The following RHBDD1 variants were observed in gnomAD, a reference collection of about 807,000 sequenced individuals.
The protein encoded by RHBDD1 is rhomboid-related protein 4.
RHBDD1 carries 38 observed loss-of-function variants against 36.3 expected under a neutral mutation model. That is an observed-to-expected ratio of 1.05 (90% CI 0.81 to 1.37). The LOEUF (loss-of-function observed/expected upper bound fraction) is 1.37, where lower values mean the gene tolerates loss of function less well. RHBDD1 is among the 40% of genes most tolerant of loss of function. The pLI, the probability that RHBDD1 is intolerant of heterozygous loss-of-function variation, is 0.00. For missense variants in RHBDD1, 393 were observed against 377.6 expected (o/e 1.04, Z -0.34); for synonymous variants, 151 against 136.5 (o/e 1.11, Z -0.74).
intron 3 of RHBDD1, among the ~76,000 whole-genome samples, chr2:226,862,048 A>C (rs1271210687): frequency 1.3e-5 from 2 of 152,218 alleles, no homozygotes; most frequent in African/African-American, 4.8e-5. Flanking sequence ...ATACACATGC[A>C]TAATTTTTTT....
In RHBDD1 at chr2:226,853,256, C is replaced by G. The variant is rs188787185; in HGVS notation, c.-90-11348C>G. Among the ~76,000 whole-genome samples the G allele has an allele frequency of 2.7e-3, 412 of 152,288 alleles. 5 individuals are homozygous for G. The highest frequency in any genetic ancestry group is 9.3e-3 in the African/African-American group (386 of 41,550). On this transcript the variant is annotated intron_variant, in intron 3 of 8. Transcript: ENST00000392062. ...TCACTGACATCTCTTCTAAATGTTC[C>G]TGGTCTAGTGACTTAAGTTAAAAAA... is the stretch of plus-strand genomic sequence containing the variant.
At position 226,904,413 on chromosome 2, in the gene RHBDD1, G is replaced by GC. The variant is rs1285147638; in HGVS notation, c.567-2379dup. Among the ~76,000 whole-genome samples the GC allele has an allele frequency of 2.5e-4, 33 of 133,432 alleles. 1 individual carries two copies. The highest frequency in any genetic ancestry group is 8.1e-4 in the African/African-American group (29 of 35,794). The allele number at this position is 133,432 out of a possible 152,430, so 87.5% of individuals were successfully genotyped here. On this transcript the variant is annotated intron_variant, in intron 5 of 8. Transcript: ENST00000392062. ...TACACCACTGTGGCACATCCTGCAA[G>GC]CGGGGGGGGAGGGGGGTCAGGGAAC...
intron 2 of RHBDD1, among the ~76,000 whole-genome samples, chr2:226,839,185 TCA>T (rs1308397119): frequency 3.3e-5 from 5 of 152,172 alleles, no homozygotes; most frequent in Non-Finnish European, 7.3e-5. Flanking sequence ...AATACTTGAC[TCA>T]CACTAGGTCA....
intron 8 of RHBDD1, among the ~76,000 whole-genome samples, chr2:226,951,998 T>C (rs552677155): frequency 6.6e-6 from 1 of 152,336 alleles, no homozygotes; most frequent in East Asian, 1.9e-4. Flanking sequence ...ATTAGAATCA[T>C]TTGGGGAGCT....
At position 226,923,115 on chromosome 2, in the gene RHBDD1, G is replaced by A. The variant is rs187189456; in HGVS notation, c.856+8764G>A. ...TTTTCTGTGGCTTACTATTACCAGT[G>A]AATTTGTACCTTCAGATGATTTTTT... On this transcript the variant is annotated intron_variant, in intron 8 of 8. Transcript: ENST00000392062. Among the ~76,000 whole-genome samples the A allele has an allele frequency of 1.6e-3, 236 of 152,242 alleles. 1 individual carries two copies. The highest frequency in any genetic ancestry group is 3.4e-3 in the Middle Eastern group (1 of 294).
chr2:226,802,741 GTTCA>G, the RHBDD1 span, among the ~76,000 whole-genome samples: 1 of 152,156 alleles, frequency 6.6e-6, no homozygotes, highest in Admixed American at 6.5e-5. Context: ...ATATGCTAAG[GTTCA>G]TTTTAAAAGA....
chr2:226,863,661 A>G (rs1029508897), intron 3 of RHBDD1, among the ~76,000 whole-genome samples: 1 of 152,210 alleles, frequency 6.6e-6, no homozygotes, highest in Non-Finnish European at 1.5e-5. Flanking sequence ...ATTACCCAGC[A>G]GGCTGGCCTA....
intron 8 of RHBDD1, among the ~76,000 whole-genome samples, chr2:226,974,914 G>A (rs1954287029): frequency 1.3e-5 from 2 of 152,184 alleles, no homozygotes; most frequent in Admixed American, 6.5e-5. Context: ...ACCATTTTCA[G>A]GCCATGTATC....
intron 1 of RHBDD1, among the ~76,000 whole-genome samples, chr2:226,836,603 C>T (rs1457035167): frequency 1.3e-5 from 2 of 152,164 alleles, no homozygotes; most frequent in East Asian, 1.9e-4. Flanking sequence ...TTTGGATAAA[C>T]GTTTACAAGA....
At chr2:226,879,425 G>T (rs1945522357) in intron 5 of RHBDD1, among the ~76,000 whole-genome samples, 1 of 152,184 alleles carries the variant, frequency 6.6e-6, no homozygotes, top group Non-Finnish European at 1.5e-5. Context: ...TTGTTCACGA[G>T]GCTTACTAAT....
In RHBDD1 at chr2:226,852,937, A is replaced by G. The variant is rs182330899; in HGVS notation, c.-90-11667A>G. ...TATTATTATTATTATTATTATTATTATTATTATTATTTGTAGAGATGAGGT... is the reference window on the plus strand; with the variant it reads ...TATTATTATTATTATTATTATTATTGTTATTATTATTTGTAGAGATGAGGT... On this transcript the variant is annotated intron_variant, in intron 3 of 8. Coordinates refer to ENST00000392062, the MANE Select transcript of RHBDD1 (RefSeq NM_001167608.3). Among the ~76,000 whole-genome samples, 168 of 140,006 alleles carry G rather than the reference A, an allele frequency of 1.2e-3. 2 individuals are homozygous for G. Among genetic ancestry groups the G allele is most frequent in the African/African-American group, 4.9e-3 (166 of 34,160 alleles). The allele number at this position is 140,006 out of a possible 152,430, so 91.8% of individuals were successfully genotyped here.
chr2:226,847,651 A>G (rs1253472962), intron 3 of RHBDD1, among the ~76,000 whole-genome samples: 5 of 152,232 alleles, frequency 3.3e-5, no homozygotes, highest in South Asian at 2.1e-4. Context: ...GTGCTTCACA[A>G]CAATATGAAG....
At chr2:226,852,621 A>G (rs1942923339) in intron 3 of RHBDD1, among the ~76,000 whole-genome samples, 1 of 152,170 alleles carries the variant, frequency 6.6e-6, no homozygotes, top group African/African-American at 2.4e-5. Flanking sequence ...GAACTGTGAG[A>G]AATAAATTTC....
upstream of RHBDD1, among the ~76,000 whole-genome samples, chr2:226,834,801 A>G (rs1396090239): frequency 1.3e-5 from 2 of 150,642 alleles, no homozygotes; most frequent in Non-Finnish European, 3.0e-5. Flanking sequence ...TTTTTTTTTG[A>G]GATAGAGTCA....
chr2:226,889,244 T>G (rs767605444), intron 5 of RHBDD1, among the ~76,000 whole-genome samples: 3 of 152,226 alleles, frequency 2.0e-5, no homozygotes, highest in Non-Finnish European at 4.4e-5. Flanking sequence ...TGTCACCCAT[T>G]CGGCTAGAGG....
At chr2:226,971,870 T>A (rs936406334) in intron 8 of RHBDD1, among the ~76,000 whole-genome samples, 1 of 152,098 alleles carries the variant, frequency 6.6e-6, no homozygotes, top group Non-Finnish European at 1.5e-5. Flanking sequence ...AAGGAACTTA[T>A]TGAACATGAT....
rs115425958 is a variant in RHBDD1 at position 226,945,114 on chromosome 2, T to C, written c.856+30763T>C. On this transcript the variant is annotated intron_variant, in intron 8 of 8. Transcript: ENST00000392062. The stretch of plus-strand genomic sequence containing the variant: ...ATGTGTTTGAAGGTTTTGTGTTTAA[T>C]CCTGAGGACAGTGGAAACAAGATCA... 8.4e-3 allele frequency among the ~76,000 whole-genome samples: 1,273 copies of C among 151,316 alleles called. 13 individuals are homozygous for C. Among genetic ancestry groups the C allele is most frequent in the African/African-American group, 0.029 (1,197 of 41,218 alleles).
chr2:226,977,142 A>G lies in RHBDD1; in HGVS notation c.857-18289A>G, dbSNP rs550808986. Among the ~76,000 whole-genome samples, 5 of 152,224 alleles carry G rather than the reference A, an allele frequency of 3.3e-5. No homozygotes were observed. The South Asian group carries it at 8.3e-4, about 25-fold the overall frequency. On this transcript the variant is annotated intron_variant, in intron 8 of 8. Coordinates refer to ENST00000392062, the MANE Select transcript of RHBDD1 (RefSeq NM_001167608.3). ...TTTGTTTCTGTGCCTTTGTTCTGGAAATGAGGAACTTGAGGCCCAGAGAAG... is the reference window on the plus strand; with the variant it reads ...TTTGTTTCTGTGCCTTTGTTCTGGAGATGAGGAACTTGAGGCCCAGAGAAG...
intron 8 of RHBDD1, among the ~76,000 whole-genome samples, chr2:226,947,956 T>G (rs894901719): frequency 2.0e-5 from 3 of 152,336 alleles, no homozygotes; most frequent in African/African-American, 7.2e-5. Flanking sequence ...GGAACACTTT[T>G]ACACTGTTGG....
Sources: allele counts gnomAD v4.1 joint callset (sites outside exome capture counted in the v4.1 genomes callset), GRCh38; gene constraint gnomAD v4.1.1; transcripts MANE v1.5; gene names NCBI Gene and HGNC (gene_info 2026-07-23, HGNC 2026-07-21).